The following FEZ2 variants were observed in gnomAD, a reference collection of about 807,000 sequenced individuals.
FEZ2 encodes fasciculation and elongation protein zeta 2.
Under a neutral mutation model 40.4 loss-of-function variants are expected in FEZ2, and 51 were observed. The ratio of observed to expected loss-of-function variants is 1.26; its 90% CI spans 1.01 to 1.59. FEZ2 has a LOEUF of 1.59. FEZ2 is among the 40% of genes most tolerant of loss of function. The pLI, the probability that FEZ2 is intolerant of heterozygous loss-of-function variation, is 0.00. For missense variants in FEZ2, 640 were observed against 438.3 expected (o/e 1.46, Z -4.11); for synonymous variants, 242 against 172.0 (o/e 1.41, Z -3.18).
At chr2:36,555,601 G>T in intron 7 of FEZ2, 82 bp downstream of exon 7, 1 of 680,198 alleles carries the variant, frequency 1.5e-6, no homozygotes, top group Non-Finnish European at 2.5e-6. Flanking sequence ...GGAAGTTACT[G>T]TCTAATGTAT....
chr2:36,567,465 G>A (rs1290196137), intron 5 of FEZ2, among the ~76,000 whole-genome samples: 5 of 152,118 alleles, frequency 3.3e-5, no homozygotes, highest in Non-Finnish European at 5.9e-5. Flanking sequence ...GAGTGACTAA[G>A]AAATCTCAAA....
intron 3 of FEZ2, among the ~76,000 whole-genome samples, chr2:36,583,013 C>G (rs1366967090): frequency 1.3e-5 from 2 of 152,162 alleles, no homozygotes; most frequent in African/African-American, 2.4e-5. Flanking sequence ...AATTTCTACA[C>G]AGATACTTTA....
At chr2:36,594,138 G>C (rs1173521991) in intron 1 of FEZ2, among the ~76,000 whole-genome samples, 1 of 151,944 alleles carries the variant, frequency 6.6e-6, no homozygotes, top group Non-Finnish European at 1.5e-5. Context: ...CCTCAGCCTG[G>C]ATTTTATTGT....
chr2:36,558,443 G>C lies in FEZ2; in HGVS notation c.974C>G (p.Thr325Arg), dbSNP rs766063293. The C allele has an allele frequency of 2.6e-6, 4 of 1,513,210 alleles. No homozygotes were observed. Among genetic ancestry groups the C allele is most frequent in the Non-Finnish European group, 3.6e-6 (4 of 1,124,820 alleles). The allele number at this position is 1,513,210 out of a possible 1,614,324, so 93.7% of individuals were successfully genotyped here. A position where few individuals can be genotyped will look rare whatever the true frequency, so the allele number is the denominator to read the frequency against. ...TTCATTTTGTCTTTGCTCACTTTTT[G>C]TTAATATTTGAAGATCTTCAACAGA... ...PPSVEDLQIL[T>R]KILRAMKEDS... Residue 325 changes from threonine (T) to arginine (R), a missense_variant, in exon 6 of 8, where the codon ACA (threonine) becomes AGA (arginine). Coordinates refer to ENST00000405912, the MANE Select transcript of FEZ2 (RefSeq NM_005102.3).
At chr2:36,588,494 C>G (rs549123844) in intron 2 of FEZ2, among the ~76,000 whole-genome samples, 8 of 152,260 alleles carry the variant, frequency 5.3e-5, no homozygotes, top group African/African-American at 1.7e-4. Flanking sequence ...ACAGCAGTCC[C>G]TCGGTATCCA....
chr2:36,566,940 GCATAGACACACA>G (rs1558445407), intron 5 of FEZ2, among the ~76,000 whole-genome samples: 2 of 140,438 alleles, frequency 1.4e-5, no homozygotes, highest in East Asian at 4.7e-4. Context: ...ACACACATAC[GCATAGACACACA>G]CACACTCTCT....
chr2:36,572,233 C>G (rs1668439140), intron 5 of FEZ2, among the ~76,000 whole-genome samples: 1 of 152,150 alleles, frequency 6.6e-6, no homozygotes, highest in African/African-American at 2.4e-5. Context: ...GCACAGAGGT[C>G]TGCTGTTAGA....
chr2:36,595,101 A>T (rs1001858624), intron 1 of FEZ2, among the ~76,000 whole-genome samples: 15 of 152,218 alleles, frequency 9.9e-5, no homozygotes, highest in Admixed American at 7.2e-4. Flanking sequence ...GAATACTCTT[A>T]TAAGTAAAAC....
At chr2:36,557,174 A>C (rs1667979156) in intron 6 of FEZ2, 1 of 152,136 alleles carries the variant, frequency 6.6e-6, no homozygotes, top group South Asian at 2.1e-4. Context: ...CATACCAAAA[A>C]CCAGCATCAT....
At chr2:36,574,332 T>A (rs1238650132) in intron 5 of FEZ2, among the ~76,000 whole-genome samples, 1 of 152,204 alleles carries the variant, frequency 6.6e-6, no homozygotes, top group Non-Finnish European at 1.5e-5. Flanking sequence ...AAAGATCCAA[T>A]ATAGAAATAT....
chr2:36,566,005 A>G (rs1435384955), intron 5 of FEZ2, among the ~76,000 whole-genome samples: 1 of 152,184 alleles, frequency 6.6e-6, no homozygotes, highest in Non-Finnish European at 1.5e-5. Context: ...TCATCATTCA[A>G]TCTGCAACCC....
At chr2:36,582,314 T>C (rs1668773474) in intron 3 of FEZ2, among the ~76,000 whole-genome samples, 1 of 152,026 alleles carries the variant, frequency 6.6e-6, no homozygotes, top group Admixed American at 6.6e-5. Flanking sequence ...GCTTAACAGG[T>C]AAGATTTCCA....
At chr2:36,590,763 C>G in intron 2 of FEZ2, 140 bp downstream of exon 2, 1 of 614,112 alleles carries the variant, frequency 1.6e-6, no homozygotes, top group Non-Finnish European at 2.9e-6. Flanking sequence ...GCCAAGACAT[C>G]AAGACAGAGC....
chr2:36,581,596 G>C (rs1668750863), intron 3 of FEZ2, 165 bp from the exon 4 acceptor site: 2 of 598,598 alleles, frequency 3.3e-6, no homozygotes, highest in Non-Finnish European at 6.0e-6. Context: ...TTTTACTGTA[G>C]GAGTGAACAT....
chr2:36,579,460 C>T (rs527552305), intron 4 of FEZ2, among the ~76,000 whole-genome samples: 1 of 152,066 alleles, frequency 6.6e-6, no homozygotes, highest in Non-Finnish European at 1.5e-5. Context: ...ATCATGAGGG[C>T]AATTTCTAAC....
At position 36,574,711 on chromosome 2, in the gene FEZ2, G is replaced by A. The variant is rs187659419; in HGVS notation, c.903+3886C>T. Among the ~76,000 whole-genome samples the A allele has an allele frequency of 2.6e-5, 4 of 151,890 alleles. No individual in the cohort carries two copies. The East Asian group carries it at 7.8e-4, about 29-fold the overall frequency. ...TAAGGAATTTGATTCCAGAAGAAGA[G>A]CATTGAATATAAAGAAGTGTCACCC... On this transcript the variant is annotated intron_variant, in intron 5 of 7. Transcript: ENST00000405912.
intron 5 of FEZ2, among the ~76,000 whole-genome samples, chr2:36,561,710 T>C (rs1470109108): frequency 1.3e-5 from 2 of 152,030 alleles, no homozygotes; most frequent in Non-Finnish European, 2.9e-5. Context: ...GCATGACTAA[T>C]TAAGGGGAAA....
chr2:36,565,807 T>C (rs1399819723), intron 5 of FEZ2, among the ~76,000 whole-genome samples: 9 of 152,126 alleles, frequency 5.9e-5, no homozygotes, highest in Non-Finnish European at 1.3e-4. Context: ...CGGGGGTCAG[T>C]GTAGTGGGGT....
At position 36,578,704 on chromosome 2, in the gene FEZ2, C is replaced by T. The variant is rs374041463; in HGVS notation, c.796G>A (p.Val266Met). 1.9e-5 allele frequency: 30 copies of T among 1,613,918 alleles called. No individual in the cohort carries two copies. The highest frequency in any genetic ancestry group is 2.5e-5 in the Non-Finnish European group (29 of 1,179,874). The part of the protein sequence containing the change: ...KNSFISVLIE[V>M]QNKQKEHKET... The stretch of plus-strand genomic sequence containing the variant: ...TTGTGCTCTTTCTGTTTGTTTTGCA[C>T]TTCAATAAGAACAGAAATAAAGCTG... The change falls in exon 5 of 8, where the codon GTG (valine) becomes ATG (methionine). Residue 266 changes from valine (V) to methionine (M), a missense_variant. By Grantham distance (21) the Val-to-Met change is conservative (BLOSUM62 1). Coordinates refer to ENST00000405912, the MANE Select transcript of FEZ2 (RefSeq NM_005102.3).
Sources: gnomAD v4.1 joint callset for allele counts (sites outside exome capture counted in the v4.1 genomes callset) on GRCh38, gnomAD v4.1.1 for gene constraint, MANE v1.5 for transcripts, NCBI Gene and HGNC (gene_info 2026-07-23, HGNC 2026-07-21) for gene names.